The following ATP7B variants were observed in gnomAD, a reference collection of about 807,000 sequenced individuals.
ATP7B encodes the protein ATPase copper transporting beta, also known as copper-transporting ATPase 2.
Under a neutral mutation model 118.9 loss-of-function variants are expected in ATP7B, and 113 were observed. The observed-to-expected ratio is 0.95, with a 90% confidence interval of 0.82 to 1.11. The LOEUF (loss-of-function observed/expected upper bound fraction) is 1.11. Among genes scored for constraint, ATP7B ranks in the 50% most tolerant of loss-of-function variants. The pLI is 0.00. For synonymous variants in ATP7B, 777 were observed against 727.4 expected, an observed-to-expected ratio of 1.07 and a Z score of -1.10; for missense variants, 1,867 against 1,871.4, an observed-to-expected ratio of 1.00 and a Z score of 0.04.
At chr13:51,980,761 T>C (rs1753765096) in intron 1 of ATP7B, among the ~76,000 whole-genome samples, 1 of 152,218 alleles carries the variant, frequency 6.6e-6, no homozygotes, top group South Asian at 2.1e-4. Flanking sequence ...CCATCAACCT[T>C]AAATAGGATA....
At chr13:51,987,077 G>C (rs375942988) in intron 1 of ATP7B, among the ~76,000 whole-genome samples, 4 of 152,242 alleles carry the variant, frequency 2.6e-5, no homozygotes, top group African/African-American at 9.6e-5. Flanking sequence ...AGGGCAATCA[G>C]GCAAGAGAAA....
rs766141109 is a variant in ATP7B at position 51,934,817 on chromosome 13, T to C, written c.4337A>G (p.Asp1446Gly). 4 of 1,614,222 alleles carry C rather than the reference T, an allele frequency of 2.5e-6. No individual in the cohort carries two copies. The South Asian group carries it at 4.4e-5, about 18-fold the overall frequency. ...DKPSRHSAAADDDGDKWSLLL... is the reference protein window; with the variant it reads ...DKPSRHSAAAGDDGDKWSLLL... The stretch of plus-strand genomic sequence containing the variant: ...CAGAGACCACTTGTCCCCATCATCG[T>C]CTGCTGCAGCGCTGTGCCGAGATGG... Residue 1446 changes from aspartate (D) to glycine (G), a missense_variant, in exon 21 of 21, where the codon GAC becomes GGC. Asp to Gly is a moderately conservative substitution (Grantham distance 94, BLOSUM62 -1). Coordinates refer to ENST00000242839, the MANE Select transcript of ATP7B (RefSeq NM_000053.4).
chr13:51,964,618 A>G (rs961337095), intron 5 of ATP7B, among the ~76,000 whole-genome samples: 2 of 152,192 alleles, frequency 1.3e-5, no homozygotes, highest in African/African-American at 4.8e-5. Context: ...TTCTTAGGGA[A>G]TATCTAAAAT....
At chr13:51,949,920 T>C in intron 11 of ATP7B, 87 bp downstream of exon 11, 1 of 1,610,322 alleles carries the variant, frequency 6.2e-7, no homozygotes, top group Non-Finnish European at 8.5e-7. Context: ...CAATCTCTAC[T>C]CAATAAAACT....
intron 3 of ATP7B, among the ~76,000 whole-genome samples, chr13:51,970,061 C>A (rs1023102773): frequency 6.6e-6 from 1 of 152,166 alleles, no homozygotes; most frequent in Non-Finnish European, 1.5e-5. Flanking sequence ...TATTTCTGTC[C>A]TGTTGTTCCT....
At chr13:51,982,963 G>GT (rs1952491160) in intron 1 of ATP7B, among the ~76,000 whole-genome samples, 1 of 152,282 alleles carries the variant, frequency 6.6e-6, no homozygotes, top group African/African-American at 2.4e-5. Context: ...AGGGCCCTGG[G>GT]TTTCAAGCAC....
In ATP7B at chr13:51,949,739, T is replaced by C; in HGVS notation, c.2788A>G (p.Ile930Val). The change falls in exon 12 of 21, where the codon ATC (isoleucine) becomes GTC (valine). Residue 930 changes from isoleucine (I) to valine (V), a missense_variant. Physicochemically the swap from Ile to Val is conservative, Grantham distance 29 (BLOSUM62 3). Coordinates refer to ENST00000242839, the MANE Select transcript of ATP7B (RefSeq NM_000053.4). ...ACCACCAACGTCAAAGTTGACATGATGATGATAAATGGGACAAAATATCCA... is the reference window on the plus strand; with the variant it reads ...ACCACCAACGTCAAAGTTGACATGACGATGATAAATGGGACAAAATATCCA... ...FSGYFVPFII[I>V]MSTLTLVVWI... 1.2e-6 allele frequency: 2 copies of C among 1,614,108 alleles called. No individual in the cohort carries two copies. The highest frequency in any genetic ancestry group is 1.3e-5 in the African/African-American group (1 of 75,038).
intron 9 of ATP7B, among the ~76,000 whole-genome samples, chr13:51,953,372 C>T (rs542829145): frequency 6.6e-6 from 1 of 152,290 alleles, no homozygotes; most frequent in Non-Finnish European, 1.5e-5. Context: ...TCCAGCAGAA[C>T]CTAATCACTA....
Position 51,962,624 on chromosome 13 carries a change from T to C in ATP7B, c.1870-711A>G, listed in dbSNP as rs574427978. Among the ~76,000 whole-genome samples, 136 of 152,312 alleles carry C rather than the reference T, an allele frequency of 8.9e-4. 2 individuals carry two copies. The highest frequency in any genetic ancestry group is 1.0e-4 in the Non-Finnish European group (7 of 68,020). The stretch of plus-strand genomic sequence containing the variant: ...GTGGGAGGAAGAGCAGCTGAGACTG[T>C]CTAAAGACAAATCCTTTTACAAGTA... On this transcript the variant is annotated intron_variant, in intron 5 of 20. Coordinates refer to ENST00000242839, the MANE Select transcript of ATP7B (RefSeq NM_000053.4).
intron 1 of ATP7B, among the ~76,000 whole-genome samples, chr13:51,982,864 G>A (rs1238440678): frequency 1.3e-5 from 2 of 152,206 alleles, no homozygotes; most frequent in Admixed American, 6.5e-5. Context: ...GTGCCATGAG[G>A]AATGGTGCAC....
At chr13:51,948,470 G>GA (rs2139144731) in intron 12 of ATP7B, among the ~76,000 whole-genome samples, 1 of 152,274 alleles carries the variant, frequency 6.6e-6, no homozygotes, top group South Asian at 2.1e-4. Flanking sequence ...CTAGGAATAA[G>GA]ATAAGGTAAA....
chr13:51,947,092 G>A (rs1385454377), intron 12 of ATP7B, among the ~76,000 whole-genome samples: 6 of 152,166 alleles, frequency 3.9e-5, no homozygotes, highest in Admixed American at 3.9e-4. Flanking sequence ...TAAACTGTAG[G>A]TGTGATGTAT....
intron 1 of ATP7B, among the ~76,000 whole-genome samples, chr13:51,998,737 C>G (rs1287483306): frequency 1.3e-5 from 2 of 152,194 alleles, no homozygotes; most frequent in African/African-American, 4.8e-5. Context: ...GTGTCCTAAA[C>G]AATCTTGTTG....
At chr13:51,944,392 A>C in intron 13 of ATP7B, 101 bp from the exon 14 acceptor site, 2 of 1,423,520 alleles carry the variant, frequency 1.4e-6, no homozygotes, top group Non-Finnish European at 1.9e-6. Flanking sequence ...CTCAGACAGG[A>C]AACAAGACAC....
intron 12 of ATP7B, among the ~76,000 whole-genome samples, chr13:51,946,835 A>C (rs1035357140): frequency 2.0e-5 from 3 of 152,252 alleles, no homozygotes; most frequent in African/African-American, 7.2e-5. Flanking sequence ...AATTGTGGCA[A>C]GGATTGAATG....
intron 16 of ATP7B, among the ~76,000 whole-genome samples, chr13:51,939,895 T>C (rs1023711659): frequency 2.6e-5 from 4 of 152,024 alleles, no homozygotes; most frequent in African/African-American, 9.7e-5. Flanking sequence ...TGCTTGCATA[T>C]ACTGTTACTT....
At position 51,974,816 on chromosome 13, in the gene ATP7B, G is replaced by C. The variant is rs2140103116; in HGVS notation, c.404C>G (p.Ser135Ter). 1 of 1,614,196 alleles carries C rather than the reference G, an allele frequency of 6.2e-7. No individual in the cohort carries two copies. Among genetic ancestry groups the C allele is most frequent in the Non-Finnish European group, 8.5e-7 (1 of 1,180,032 alleles). Reference sequence around the variant, plus strand: ...AGCCTCCTGGGCAGGCAAGGACCTTGAGGGCCAGGAGGCTGCCTTTCCTTC... The same window carrying C: ...AGCCTCCTGGGCAGGCAAGGACCTTCAGGGCCAGGAGGCTGCCTTTCCTTC... ...IAEGKAASWP[S>*]RSLPAQEAVV... Residue 135 changes from serine (S) to a stop codon, truncating the protein, a stop_gained, in exon 2 of 21, where the codon TCA becomes TGA. Transcript: ENST00000242839. LOFTEE classifies it high-confidence loss of function.
In ATP7B at chr13:51,974,364, G is replaced by A. The variant is rs1183423966; in HGVS notation, c.856C>T (p.Gln286Ter). 1.2e-6 allele frequency: 2 copies of A among 1,613,970 alleles called. No homozygotes were observed. The highest frequency in any genetic ancestry group is 1.7e-5 in the Admixed American group (1 of 60,016). The stretch of plus-strand genomic sequence containing the variant: ...TTCTCCAAGGACACTTGAATACTTT[G>A]AACCCCTAGGAGCTGGCCAATATTT... ...EENIGQLLGV[Q>*]SIQVSLENKT... The change falls in exon 2 of 21, where the codon CAA becomes TAA. Residue 286 changes from glutamine to a stop codon, truncating the protein, a stop_gained. Coordinates refer to ENST00000242839, the MANE Select transcript of ATP7B (RefSeq NM_000053.4). LOFTEE classifies it high-confidence loss of function.
intron 1 of ATP7B, among the ~76,000 whole-genome samples, chr13:51,990,104 A>G (rs1281119646): frequency 6.6e-6 from 1 of 151,806 alleles, no homozygotes; most frequent in Non-Finnish European, 1.5e-5. Context: ...TTAAAATAAC[A>G]TTTATTATAA....
Sources: gnomAD v4.1 joint callset for allele counts (sites outside exome capture counted in the v4.1 genomes callset) on GRCh38, gnomAD v4.1.1 for gene constraint, MANE v1.5 for transcripts, NCBI Gene and HGNC (gene_info 2026-07-23, HGNC 2026-07-21) for gene names.